Variants in SDK1 observed in about 807,000 individuals in gnomAD.
The protein encoded by SDK1 is sidekick cell adhesion molecule 1, also known as protein sidekick-1.
In SDK1, 157 loss-of-function variants were observed where a neutral mutation model predicts 245.5. The ratio of observed to expected loss-of-function variants is 0.64; its 90% confidence interval spans 0.56 to 0.73. The LOEUF (loss-of-function observed/expected upper bound fraction) is 0.73, where lower values mean the gene tolerates loss of function less well. Ranked by LOEUF, SDK1 falls within the 30% of genes least tolerant of loss-of-function variation. The pLI is 0.00. For synonymous variants in SDK1, 1,647 were observed against 1,278.5 expected, an observed-to-expected ratio of 1.29 and a Z score of -6.15; for missense variants, 3,583 against 3,002.3, an observed-to-expected ratio of 1.19 and a Z score of -4.52.
At chr7:4,002,899 G>A (rs1199295406) in intron 14 of SDK1, among the ~76,000 whole-genome samples, 7 of 152,238 alleles carry the variant, frequency 4.6e-5, no homozygotes, top group African/African-American at 7.2e-5. Context: ...GCTCCAGGTC[G>A]CTCTGTTCAT....
chr7:3,408,118 A>G (rs773671560), intron 1 of SDK1, among the ~76,000 whole-genome samples: 2 of 152,102 alleles, frequency 1.3e-5, no homozygotes, highest in Non-Finnish European at 2.9e-5. Context: ...GCTTACTGCC[A>G]CATCTGCCTC....
chr7:3,527,987 G>A (rs1435512236), intron 1 of SDK1, among the ~76,000 whole-genome samples: 9 of 150,438 alleles, frequency 6.0e-5, no homozygotes, highest in Admixed American at 4.6e-4. Context: ...GGTGAGGCTG[G>A]GTGTCAGTTA....
intron 13 of SDK1, among the ~76,000 whole-genome samples, chr7:3,978,276 A>C (rs1783127928): frequency 1.3e-5 from 2 of 152,188 alleles, no homozygotes; most frequent in Non-Finnish European, 2.9e-5. Context: ...CTTCCAATAT[A>C]GCCCATTCTT....
At chr7:3,694,076 A>T (rs975994037) in intron 4 of SDK1, among the ~76,000 whole-genome samples, 7 of 152,182 alleles carry the variant, frequency 4.6e-5, no homozygotes, top group African/African-American at 1.4e-4. Context: ...ATTTATGATT[A>T]TACCTGTCTT....
intron 14 of SDK1, among the ~76,000 whole-genome samples, chr7:3,996,630 T>A (rs1178433435): frequency 1.3e-5 from 2 of 152,192 alleles, no homozygotes; most frequent in African/African-American, 2.4e-5. Flanking sequence ...TTTTCCCCAT[T>A]TCGTCTTCTA....
chr7:4,175,893 C>T (rs1273572543), intron 34 of SDK1, 59 bp downstream of exon 34: 1 of 1,485,342 alleles, frequency 6.7e-7, no homozygotes, highest in East Asian at 2.3e-5. Flanking sequence ...TGCCCAGAGC[C>T]AGCTGGTCTC....
Position 3,959,033 on chromosome 7 carries a change from C to A in SDK1, c.1234+19C>A. 1 of 1,584,766 alleles carries A rather than the reference C, an allele frequency of 6.3e-7. No homozygotes were observed. Among genetic ancestry groups the A allele is most frequent in the Non-Finnish European group, 8.7e-7 (1 of 1,153,618 alleles). Reference sequence around the variant, plus strand: ...GCCATGGGTGAGTGCAGAGTGGCTGCTGGACAAGGAGCCATGACTGGGAGG... The same window carrying A: ...GCCATGGGTGAGTGCAGAGTGGCTGATGGACAAGGAGCCATGACTGGGAGG... On this transcript the variant is annotated intron_variant, in intron 8 of 44. Transcript: ENST00000404826.
chr7:4,239,653 G>T (rs1456821219), intron 42 of SDK1, among the ~76,000 whole-genome samples: 3 of 152,130 alleles, frequency 2.0e-5, no homozygotes, highest in African/African-American at 7.2e-5. Context: ...AGTGAGCCAC[G>T]CACGGCGCCC....
At chr7:3,971,615 G>T (rs1782493929) in intron 12 of SDK1, 47 bp downstream of exon 12, 2 of 1,396,278 alleles carry the variant, frequency 1.4e-6, no homozygotes, top group Admixed American at 3.7e-5. Flanking sequence ...GATATTCTGT[G>T]AGTTTCTGAA....
intron 5 of SDK1, among the ~76,000 whole-genome samples, chr7:3,920,954 G>T (rs1294457435): frequency 6.6e-6 from 1 of 152,156 alleles, no homozygotes; most frequent in African/African-American, 2.4e-5. Flanking sequence ...TACCACCCCT[G>T]CCCTCAAATG....
At chr7:4,174,483 C>T in intron 33 of SDK1, 126 bp downstream of exon 33, 1 of 1,111,544 alleles carries the variant, frequency 9.0e-7, no homozygotes, top group Middle Eastern at 3.0e-4. Context: ...GCCCTGCCCT[C>T]AGGAACAGGG....
chr7:3,582,393 C>A (rs1328976026), intron 1 of SDK1, among the ~76,000 whole-genome samples: 11 of 135,132 alleles, frequency 8.1e-5, no homozygotes, highest in East Asian at 4.4e-4. Context: ...AGGTAGGTCT[C>A]CCTCAGGTAG....
intron 1 of SDK1, among the ~76,000 whole-genome samples, chr7:3,546,653 CA>C (rs58108083): frequency 0.033 from 5,088 of 152,242 alleles, 130 homozygotes; most frequent in African/African-American, 0.06. Context: ...GTGGGCTGCC[CA>C]GGGGGGACGT....
chr7:3,500,163 G>A (rs1782153134), intron 1 of SDK1, among the ~76,000 whole-genome samples: 1 of 152,062 alleles, frequency 6.6e-6, no homozygotes, highest in South Asian at 2.1e-4. Context: ...CGAAATGTGG[G>A]CCTATTCTCT....
intron 1 of SDK1, among the ~76,000 whole-genome samples, chr7:3,530,884 A>G (rs1783321512): frequency 1.3e-5 from 2 of 152,244 alleles, no homozygotes; most frequent in South Asian, 4.1e-4. Flanking sequence ...AACATTGTCC[A>G]CAAGTATCCA....
chr7:3,606,880 C>G (rs1583219984), intron 1 of SDK1, among the ~76,000 whole-genome samples: 1 of 151,468 alleles, frequency 6.6e-6, no homozygotes, highest in African/African-American at 2.4e-5. Flanking sequence ...ACCAAAATAA[C>G]ACAACTTATG....
intron 2 of SDK1, among the ~76,000 whole-genome samples, chr7:3,622,041 G>A (rs1022628624): frequency 2.0e-5 from 3 of 152,148 alleles, no homozygotes; most frequent in African/African-American, 4.8e-5. Context: ...AGTGTTCGGA[G>A]CATGCTTAAT....
intron 27 of SDK1, among the ~76,000 whole-genome samples, chr7:4,131,107 C>T (rs1784783177): frequency 6.6e-6 from 1 of 152,166 alleles, no homozygotes; most frequent in African/African-American, 2.4e-5. Flanking sequence ...GGTGTTGTTT[C>T]CTTGCAAAAC....
At chr7:3,366,579 C>A (rs911372376) in intron 1 of SDK1, among the ~76,000 whole-genome samples, 1 of 151,988 alleles carries the variant, frequency 6.6e-6, no homozygotes, top group Non-Finnish European at 1.5e-5. Context: ...CAGATTTTTG[C>A]CAGATAGGTG....
Sources: allele counts gnomAD v4.1 joint callset (sites outside exome capture counted in the v4.1 genomes callset), GRCh38; gene constraint gnomAD v4.1.1; transcripts MANE v1.5; gene names NCBI Gene and HGNC (gene_info 2026-07-23, HGNC 2026-07-21).